The following TACR1 variants were observed in gnomAD, a reference collection of about 807,000 sequenced individuals.
TACR1 encodes substance-P receptor.
TACR1 carries 25 observed loss-of-function variants against 35.8 expected under a neutral mutation model. The ratio of observed to expected loss-of-function variants is 0.70; its 90% CI spans 0.51 to 0.98. The LOEUF (loss-of-function observed/expected upper bound fraction) is 0.98, where lower values mean the gene tolerates loss of function less well. Among genes scored for constraint, TACR1 ranks in the 50% least tolerant of loss-of-function variants. The probability of loss-of-function intolerance (pLI) is 0.00; values close to 1 mark genes in which losing one functional copy is unlikely to be tolerated. For synonymous variants in TACR1, 195 were observed against 206.7 expected, an observed-to-expected ratio of 0.94 and a Z score of 0.48; for missense variants, 478 against 522.9, an observed-to-expected ratio of 0.91 and a Z score of 0.84.
At chr2:75,060,335 C>T (rs373810304) in intron 2 of TACR1, among the ~76,000 whole-genome samples, 100 of 152,180 alleles carry the variant, frequency 6.6e-4, no homozygotes, top group African/African-American at 2.2e-3. Flanking sequence ...TGTGCATGTG[C>T]GTTAGTGCAT....
chr2:75,087,737 TC>T, intron 2 of TACR1, among the ~76,000 whole-genome samples: 1 of 152,316 alleles, frequency 6.6e-6, no homozygotes, highest in South Asian at 2.1e-4. Context: ...TAATCACTTT[TC>T]CCCTGCTGAA....
chr2:75,053,553 A>G, intron 3 of TACR1, 52 bp downstream of exon 3: 1 of 1,462,948 alleles, frequency 6.8e-7, no homozygotes, highest in Non-Finnish European at 9.0e-7. Context: ...TCCCTTCTCG[A>G]CAGCCTGTTG....
intron 2 of TACR1, 143 bp downstream of exon 2, chr2:75,120,431 T>G: frequency 1.5e-6 from 1 of 672,460 alleles, no homozygotes; most frequent in Non-Finnish European, 2.4e-6. Flanking sequence ...CAACCTGATA[T>G]GAGGGTATAT....
intron 2 of TACR1, among the ~76,000 whole-genome samples, chr2:75,078,323 A>G (rs777401382): frequency 1.4e-4 from 21 of 151,756 alleles, no homozygotes; most frequent in Non-Finnish European, 3.1e-4. Flanking sequence ...GTGATTTCTA[A>G]ACTCTCTGAA....
At chr2:75,147,986 T>C (rs1208295164) in intron 1 of TACR1, among the ~76,000 whole-genome samples, 2 of 152,100 alleles carry the variant, frequency 1.3e-5, no homozygotes, top group African/African-American at 2.4e-5. Context: ...GACCTCATGA[T>C]CCACCCATCT....
chr2:75,075,724 A>T (rs1406500987), intron 2 of TACR1, among the ~76,000 whole-genome samples: 1 of 152,226 alleles, frequency 6.6e-6, no homozygotes, highest in East Asian at 1.9e-4. Flanking sequence ...ACAAGAACAA[A>T]TTCAGCTAAT....
chr2:75,144,617 T>C (rs1170604470), intron 1 of TACR1, among the ~76,000 whole-genome samples: 1 of 152,144 alleles, frequency 6.6e-6, no homozygotes, highest in Non-Finnish European at 1.5e-5. Flanking sequence ...AAGAAGCTTA[T>C]TCCAAAAAGT....
chr2:75,151,914 A>G (rs1674681498), intron 1 of TACR1, among the ~76,000 whole-genome samples: 1 of 152,190 alleles, frequency 6.6e-6, no homozygotes, highest in Non-Finnish European at 1.5e-5. Flanking sequence ...TGAGACCTGG[A>G]GTCAAAGGAG....
Position 75,157,262 on chromosome 2 carries a change from T to A in TACR1, c.390-36494A>T, listed in dbSNP as rs141692123. Among the ~76,000 whole-genome samples the A allele has an allele frequency of 1.3e-3, 190 of 151,990 alleles. 1 individual carries two copies. The highest frequency in any genetic ancestry group is 4.4e-3 in the African/African-American group (181 of 41,448). On this transcript the variant is annotated intron_variant, in intron 1 of 4. Coordinates refer to ENST00000305249, the MANE Select transcript of TACR1 (RefSeq NM_001058.4). ...CCTTCTCCTCCAAGTCTAAACAAAT[T>A]CCCTTTCCTTTCATTTTCCTTACTA... is the stretch of plus-strand genomic sequence containing the variant.
chr2:75,096,790 A>T (rs1463766757), intron 2 of TACR1, among the ~76,000 whole-genome samples: 1 of 152,190 alleles, frequency 6.6e-6, no homozygotes, highest in Non-Finnish European at 1.5e-5. Flanking sequence ...AGCTTCCAAC[A>T]TAGGTATCTC....
intron 1 of TACR1, among the ~76,000 whole-genome samples, chr2:75,128,691 T>C (rs543778187): frequency 6.6e-6 from 1 of 152,316 alleles, no homozygotes; most frequent in East Asian, 1.9e-4. Context: ...GTAGCAAGTT[T>C]GTAACACAAT....
At chr2:75,144,544 A>G (rs1404207759) in intron 1 of TACR1, among the ~76,000 whole-genome samples, 3 of 152,250 alleles carry the variant, frequency 2.0e-5, no homozygotes, top group Admixed American at 6.5e-5. Flanking sequence ...CACTGGGTCT[A>G]TGAAATGATT....
At chr2:75,160,267 G>A (rs376765975) in intron 1 of TACR1, among the ~76,000 whole-genome samples, 21 of 151,500 alleles carry the variant, frequency 1.4e-4, no homozygotes, top group South Asian at 1.3e-3. Flanking sequence ...TGAAATTGAT[G>A]ACAATGAATT....
At chr2:75,187,010 C>A (rs1394926959) in intron 1 of TACR1, 1 of 152,188 alleles carries the variant, frequency 6.6e-6, no homozygotes, top group East Asian at 1.9e-4. Flanking sequence ...GGCAGAAAGC[C>A]CAGCTCTTGG....
At chr2:75,154,183 CT>C (rs1443285624) in intron 1 of TACR1, among the ~76,000 whole-genome samples, 1 of 152,042 alleles carries the variant, frequency 6.6e-6, no homozygotes, top group Non-Finnish European at 1.5e-5. Flanking sequence ...TCCTGGCTCC[CT>C]CGGGATCTGA....
At position 75,186,602 on chromosome 2, in the gene TACR1, T is replaced by C. The variant is rs543180275; in HGVS notation, c.389+11944A>G. 2.4e-4 allele frequency among the ~76,000 whole-genome samples: 37 copies of C among 152,018 alleles called. No individual in the cohort carries two copies. In the East Asian group the frequency reaches 4.1e-3, roughly 17 times the overall value. ...AAACTAAAATGTGATCAGAAAAACA[T>C]TGGAGTTGTGCAGGTAATATTCAAT... On this transcript the variant is annotated intron_variant, in intron 1 of 4. Transcript: ENST00000305249.
At chr2:75,075,175 C>T (rs561576553) in intron 2 of TACR1, among the ~76,000 whole-genome samples, 1 of 152,342 alleles carries the variant, frequency 6.6e-6, no homozygotes, top group South Asian at 2.1e-4. Context: ...TCCTGCTTAA[C>T]TGTCTCTTTC....
intron 1 of TACR1, among the ~76,000 whole-genome samples, chr2:75,193,152 G>A (rs1278005106): frequency 6.6e-6 from 1 of 151,922 alleles, no homozygotes; most frequent in Non-Finnish European, 1.5e-5. Flanking sequence ...TATTCCCAAG[G>A]GAGTTCTTTG....
intron 1 of TACR1, among the ~76,000 whole-genome samples, chr2:75,157,047 T>G (rs1376626420): frequency 6.6e-6 from 1 of 152,136 alleles, no homozygotes; most frequent in East Asian, 1.9e-4. Context: ...ATGTCTCCCA[T>G]GCATTCCAGC....
Sources: allele counts gnomAD v4.1 joint callset (sites outside exome capture counted in the v4.1 genomes callset), GRCh38; gene constraint gnomAD v4.1.1; transcripts MANE v1.5; gene names NCBI Gene and HGNC (gene_info 2026-07-23, HGNC 2026-07-21).